Variants in TET1 observed in about 807,000 individuals in gnomAD.
TET1 encodes the protein tet methylcytosine dioxygenase 1.
TET1 carries 13 observed loss-of-function variants against 148.7 expected under a neutral mutation model. The observed-to-expected ratio is 0.09, with a 90% CI of 0.06 to 0.14. The LOEUF is 0.14. TET1 is among the 10% of genes least tolerant of loss of function. The pLI is 1.00. For synonymous variants in TET1, 907 were observed against 937.2 expected (o/e 0.97, Z 0.59); for missense variants, 2,182 against 2,553.8 (o/e 0.85, Z 3.14).
chr10:68,568,126 C>T (rs1286184166), intron 1 of TET1, among the ~76,000 whole-genome samples: 2 of 152,126 alleles, frequency 1.3e-5, no homozygotes, highest in Non-Finnish European at 2.9e-5. Flanking sequence ...GATCCACCCA[C>T]CTTGGCCTCC....
chr10:68,581,392 A>G (rs1182633991), intron 2 of TET1, among the ~76,000 whole-genome samples: 2 of 152,166 alleles, frequency 1.3e-5, no homozygotes, highest in African/African-American at 2.4e-5. Context: ...AGGGTAGTGC[A>G]TTTTGAAACA....
chr10:68,565,839 T>C (rs1463618619), intron 1 of TET1, among the ~76,000 whole-genome samples: 1 of 152,148 alleles, frequency 6.6e-6, no homozygotes, highest in Non-Finnish European at 1.5e-5. Flanking sequence ...TCTGGTTGTC[T>C]CTGATTCTTT....
At chr10:68,567,849 C>T (rs78342288) in intron 1 of TET1, among the ~76,000 whole-genome samples, 1,570 of 152,102 alleles carry the variant, frequency 0.01, 35 homozygotes, top group African/African-American at 0.036. Flanking sequence ...ATATGGTTCT[C>T]ACAATGAGAA....
At chr10:68,632,279 G>C (rs1027494458) in intron 3 of TET1, 2 of 1,053,788 alleles carry the variant, frequency 1.9e-6, no homozygotes, top group East Asian at 2.6e-5. Context: ...CCGAGATCCC[G>C]CCACTGCACT....
rs1028559816 is a variant in TET1, at chr10:68,560,646, T to G, written c.-219T>G. ...CCGCCGGGGCCCCGGGCTCCAAAGT[T>G]GTGGGGACCGGCGCGAGTTGGAAAG... On this transcript the variant is annotated 5_prime_UTR_variant, in exon 1 of 12. Coordinates refer to ENST00000373644, the MANE Select transcript of TET1 (RefSeq NM_030625.3). 1 of 152,904 alleles carries G rather than the reference T, an allele frequency of 6.5e-6. No individual in the cohort carries two copies. Among genetic ancestry groups the G allele is most frequent in the Non-Finnish European group, 1.5e-5 (1 of 68,642 alleles). 9.5% of individuals were successfully genotyped at this position (152,904 alleles called of 1,614,324 possible). A position where few individuals can be genotyped will look rare whatever the true frequency, so the allele number is the denominator to read the frequency against.
rs529979534 is a variant in TET1, at chr10:68,608,839, T to C, written c.1968+7805T>C. ...GCATGAGCCAACATGCCCAGCCATA[T>C]TTATTTTTTAATTAAAAAAAAATTT... On this transcript the variant is annotated intron_variant, in intron 3 of 11. Transcript: ENST00000373644. Among the ~76,000 whole-genome samples the C allele has an allele frequency of 1.6e-4, 24 of 152,198 alleles. 1 individual carries two copies. The South Asian group carries it at 2.7e-3, about 17-fold the overall frequency.
chr10:68,652,065 G>T, intron 5 of TET1, 129 bp downstream of exon 5: 1 of 861,778 alleles, frequency 1.2e-6, no homozygotes, highest in Non-Finnish European at 1.8e-6. Flanking sequence ...GTTTCTTAGG[G>T]CCCAACAAAA....
chr10:68,632,874 A>G (rs1055138944), intron 3 of TET1: 8 of 734,680 alleles, frequency 1.1e-5, no homozygotes, highest in East Asian at 5.5e-5. Context: ...AAATTGTCTT[A>G]AGAAAACCAG....
intron 8 of TET1, among the ~76,000 whole-genome samples, chr10:68,677,830 G>A (rs1017709369): frequency 6.6e-6 from 1 of 152,062 alleles, no homozygotes; most frequent in African/African-American, 2.4e-5. Flanking sequence ...ATGTTGGCCA[G>A]GCTGGTCTTG....
chr10:68,681,311 A>G (rs1472438106), intron 8 of TET1, 88 bp from the exon 9 acceptor site: 1 of 757,032 alleles, frequency 1.3e-6, no homozygotes, highest in Non-Finnish European at 2.2e-6. Context: ...TGCATTAACC[A>G]CCATCAGCCA....
At position 68,572,978 on chromosome 10, in the gene TET1, C is replaced by T. The variant is rs1478942565; in HGVS notation, c.640C>T (p.Leu214Phe). The change falls in exon 2 of 12, where the codon CTT (leucine) becomes TTT (phenylalanine). Residue 214 changes from leucine to phenylalanine, a missense_variant. This residue lies in a region of TET1 where 665 missense variants were observed against 672.4 expected (regional missense o/e 0.99). Coordinates refer to ENST00000373644, the MANE Select transcript of TET1 (RefSeq NM_030625.3). ...CCACAGTGGCCCTGCAGCTGAGATC[C>T]TTCCTGGGCCACTGGAAGGGACACG... The part of the protein sequence containing the change: ...PTHSGPAAEI[L>F]PGPLEGTRCG... 3.1e-6 allele frequency: 5 copies of T among 1,614,126 alleles called. No individual in the cohort carries two copies. The highest frequency in any genetic ancestry group is 1.3e-5 in the African/African-American group (1 of 75,022).
At chr10:68,619,380 C>G (rs2054338332) in intron 3 of TET1, among the ~76,000 whole-genome samples, 1 of 152,096 alleles carries the variant, frequency 6.6e-6, no homozygotes, top group African/African-American at 2.4e-5. Flanking sequence ...CACATGCTCA[C>G]CACCACACCT....
chr10:68,648,656 A>C (rs546098046), intron 4 of TET1, among the ~76,000 whole-genome samples: 137 of 152,368 alleles, frequency 9.0e-4, no homozygotes, highest in African/African-American at 3.2e-3. Context: ...TTTTAACAAC[A>C]GTAGAAAATA....
intron 1 of TET1, 95 bp from the exon 2 acceptor site, chr10:68,572,122 A>G: frequency 2.1e-6 from 1 of 484,810 alleles, no homozygotes; most frequent in Non-Finnish European, 3.6e-6. Flanking sequence ...TGTCTCAAAA[A>G]AATAAAATAA....
chr10:68,668,249 G>T (rs2055220875), intron 7 of TET1, among the ~76,000 whole-genome samples: 1 of 152,092 alleles, frequency 6.6e-6, no homozygotes, highest in East Asian at 1.9e-4. Flanking sequence ...CCCACAAAAG[G>T]TTTTGTTTTT....
chr10:68,674,762 A>G (rs2055326728), intron 8 of TET1: 6 of 497,900 alleles, frequency 1.2e-5, no homozygotes, highest in South Asian at 9.2e-5. Context: ...CAACAATCAG[A>G]TACGGAAGAC....
intron 2 of TET1, among the ~76,000 whole-genome samples, chr10:68,574,643 C>A (rs906138913): frequency 3.9e-5 from 6 of 152,120 alleles, no homozygotes; most frequent in Non-Finnish European, 7.4e-5. Flanking sequence ...AAGAGTGGAA[C>A]AAATTCATTA....
At chr10:68,624,269 G>C (rs1360025401) in intron 3 of TET1, among the ~76,000 whole-genome samples, 2 of 146,050 alleles carry the variant, frequency 1.4e-5, no homozygotes, top group Non-Finnish European at 3.0e-5. Context: ...GCTAATTCTT[G>C]TGTGTGTGTT....
At chr10:68,634,613 T>C (rs536736591) in intron 3 of TET1, among the ~76,000 whole-genome samples, 6 of 152,306 alleles carry the variant, frequency 3.9e-5, no homozygotes, top group African/African-American at 1.4e-4. Flanking sequence ...TTGATACTGA[T>C]CTGAATAAGA....
Sources: allele counts gnomAD v4.1 joint callset (sites outside exome capture counted in the v4.1 genomes callset), GRCh38; gene constraint gnomAD v4.1.1; regional missense constraint gnomAD v4.1.1; transcripts MANE v1.5; gene names NCBI Gene and HGNC (gene_info 2026-07-23, HGNC 2026-07-21).